RORA: variants seen among roughly 807,000 people sequenced by gnomAD.
The protein encoded by RORA is nuclear receptor ROR-alpha.
In RORA, 7 loss-of-function variants were observed where a neutral mutation model predicts 69.5. The ratio of observed to expected loss-of-function variants is 0.10; its 90% CI spans 0.06 to 0.19. The LOEUF (loss-of-function observed/expected upper bound fraction) is 0.19. Ranked by LOEUF, RORA falls within the 10% of genes least tolerant of loss-of-function variation. The probability of loss-of-function intolerance (pLI) is 1.00; values close to 1 mark genes in which losing one functional copy is unlikely to be tolerated. For synonymous variants in RORA, 261 were observed against 240.8 expected, an observed-to-expected ratio of 1.08 and a Z score of -0.78; for missense variants, 457 against 663.0, an observed-to-expected ratio of 0.69 and a Z score of 3.41.
rs564707718 is a variant in RORA, at chr15:60,629,346, C to A, written c.196+49311G>T. Among the ~76,000 whole-genome samples, 20 of 151,978 alleles carry A rather than the reference C, an allele frequency of 1.3e-4. No individual in the cohort carries two copies. In the East Asian group the frequency reaches 3.7e-3, roughly 28 times the overall value. ...GGATTATAGGCATGCACCACCACGC[C>A]CAGCTAATTTTTGCATTTTTAGTAG... On this transcript the variant is annotated intron_variant, in intron 2 of 10. Coordinates refer to ENST00000335670, the MANE Select transcript of RORA (RefSeq NM_134261.3).
intron 2 of RORA, among the ~76,000 whole-genome samples, chr15:60,557,436 G>A (rs1388382462): frequency 6.6e-6 from 1 of 152,228 alleles, no homozygotes; most frequent in Admixed American, 6.5e-5. Context: ...AAAAAGGCCA[G>A]GGGAGTGAAC....
chr15:61,040,113 G>GATAGATATAT (rs1896672475), intron 1 of RORA, among the ~76,000 whole-genome samples: 1 of 46,302 alleles, frequency 2.2e-5, no homozygotes, highest in Non-Finnish European at 4.1e-5. Context: ...CACAAGCTTT[G>GATAGATATAT]ATATATATAT....
Position 60,553,512 on chromosome 15 carries a change from A to T in RORA, c.197-21661T>A, listed in dbSNP as rs1204404236. Among the ~76,000 whole-genome samples the T allele has an allele frequency of 2.0e-5, 3 of 152,216 alleles. No individual in the cohort carries two copies. In the East Asian group the frequency reaches 5.8e-4, roughly 29 times the overall value. On this transcript the variant is annotated intron_variant, in intron 2 of 10. Transcript: ENST00000335670. ...GAATGGGCTAAGAGTCAGATGGTCT[A>T]AGTTCTAATTTTAGCTCTGCAACTA...
At chr15:60,510,838 T>A (rs2065672264) in intron 5 of RORA, among the ~76,000 whole-genome samples, 1 of 152,066 alleles carries the variant, frequency 6.6e-6, no homozygotes, top group Non-Finnish European at 1.5e-5. Context: ...GGCAAAAAAA[T>A]ATGTCTGTGG....
intron 1 of RORA, among the ~76,000 whole-genome samples, chr15:60,809,322 GCA>G (rs1567198456): frequency 6.6e-6 from 1 of 152,156 alleles, no homozygotes; most frequent in Non-Finnish European, 1.5e-5. Flanking sequence ...ACAGCAATGT[GCA>G]CAGTTAATCC....
rs1044875219 is a variant in RORA, at chr15:60,534,802, G to T, written c.197-2951C>A. Among the ~76,000 whole-genome samples, 1 of 152,074 alleles carries T rather than the reference G, an allele frequency of 6.6e-6. No homozygotes were observed. The highest frequency in any genetic ancestry group is 2.1e-4 in the South Asian group (1 of 4,826). On this transcript the variant is annotated intron_variant, in intron 2 of 10. Transcript: ENST00000335670. The surrounding 1 kb of genome is among the most constrained non-coding windows in gnomAD (Gnocchi z 5.0). ...ACACGTGTTGATATTCCCAGAAAGC[G>T]AGCATTTGCAGATTGGAGCAGGGCA... is the stretch of plus-strand genomic sequence containing the variant.
intron 2 of RORA, among the ~76,000 whole-genome samples, chr15:60,543,678 C>T (rs537708671): frequency 1.1e-3 from 170 of 152,114 alleles, no homozygotes; most frequent in Non-Finnish European, 1.9e-3. Context: ...GATGGGGTTT[C>T]ACCATGTTGC....
At position 61,188,842 on chromosome 15, in the gene RORA, C is replaced by T. The variant is rs150165345; in HGVS notation, c.166+40211G>A. On this transcript the variant is annotated intron_variant, in intron 1 of 10. Coordinates refer to ENST00000335670, the MANE Select transcript of RORA (RefSeq NM_134261.3). ...AGATTCCCTCAAGGAGCTCAACACACTTTTAATGAAGTAGAACATCATCTC... is the reference window on the plus strand; with the variant it reads ...AGATTCCCTCAAGGAGCTCAACACATTTTTAATGAAGTAGAACATCATCTC... Among the ~76,000 whole-genome samples, 8 of 152,302 alleles carry T rather than the reference C, an allele frequency of 5.3e-5. No homozygotes were observed. The East Asian group carries it at 1.5e-3, about 29-fold the overall frequency.
chr15:60,616,508 T>C (rs1454790736), intron 2 of RORA, among the ~76,000 whole-genome samples: 1 of 152,168 alleles, frequency 6.6e-6, no homozygotes, highest in East Asian at 1.9e-4. Context: ...AAATATTCCT[T>C]GAGTCCTTGT....
At chr15:60,729,124 T>C (rs1193843957) in intron 1 of RORA, among the ~76,000 whole-genome samples, 1 of 152,148 alleles carries the variant, frequency 6.6e-6, no homozygotes, top group Non-Finnish European at 1.5e-5. Flanking sequence ...TCCCCGTTTT[T>C]GGTGTCCCTT....
chr15:60,902,027 A>C (rs1229092674), intron 1 of RORA, among the ~76,000 whole-genome samples: 2 of 152,218 alleles, frequency 1.3e-5, no homozygotes, highest in East Asian at 3.8e-4. Flanking sequence ...CCCGGAGGCT[A>C]ATTAACCATA....
intron 1 of RORA, among the ~76,000 whole-genome samples, chr15:61,212,983 T>C (rs1178785473): frequency 6.6e-6 from 1 of 152,166 alleles, no homozygotes; most frequent in African/African-American, 2.4e-5. Context: ...TGCTATTTTT[T>C]TGTTTTCTTG....
chr15:60,717,101 C>G (rs2140817673), intron 1 of RORA, among the ~76,000 whole-genome samples: 1 of 152,232 alleles, frequency 6.6e-6, no homozygotes, highest in Non-Finnish European at 1.5e-5. Flanking sequence ...AGCCTTCAAC[C>G]TGTGGGATCT....
rs555226124 is a variant in RORA, at chr15:60,872,107, G to A, written c.167-193421C>T. On this transcript the variant is annotated intron_variant, in intron 1 of 10. Transcript: ENST00000335670. ...AGGTAATCTCTATCATAAAGCAAGT[G>A]TGCCATAGCAAAATAAGCACTAGTC... Among the ~76,000 whole-genome samples the A allele has an allele frequency of 4.4e-4, 67 of 151,038 alleles. No individual in the cohort carries two copies. In the South Asian group the frequency reaches 0.014, roughly 32 times the overall value.
At chr15:60,972,603 TC>T (rs1270507035) in intron 1 of RORA, among the ~76,000 whole-genome samples, 1 of 152,188 alleles carries the variant, frequency 6.6e-6, no homozygotes, top group Non-Finnish European at 1.5e-5. Flanking sequence ...GTCCAAAATT[TC>T]TCTAGTCTTT....
Position 60,561,056 on chromosome 15 carries a change from G to GT in RORA, c.197-29206dup, listed in dbSNP as rs59042428. Among the ~76,000 whole-genome samples the GT allele has an allele frequency of 7.4e-3, 889 of 119,618 alleles. 1 individual carries two copies. The highest frequency in any genetic ancestry group is 8.5e-3 in the Non-Finnish European group (485 of 56,928). 78.5% of individuals were successfully genotyped at this position (119,618 alleles called of 152,430 possible). ...TTATACATGGGAAGTTTTAACTTGT[G>GT]TTTTTTTTTTTTTTGTTTTGTTTTT... is the stretch of plus-strand genomic sequence containing the variant. On this transcript the variant is annotated intron_variant, in intron 2 of 10. Coordinates refer to ENST00000335670, the MANE Select transcript of RORA (RefSeq NM_134261.3).
intron 1 of RORA, among the ~76,000 whole-genome samples, chr15:60,907,854 C>T (rs1027187211): frequency 6.6e-6 from 1 of 152,198 alleles, no homozygotes. Context: ...GTCTGTAACT[C>T]CAGTTAGAAC....
chr15:60,774,652 T>A (rs1186786676), intron 1 of RORA, among the ~76,000 whole-genome samples: 1 of 152,186 alleles, frequency 6.6e-6, no homozygotes, highest in South Asian at 2.1e-4. Context: ...ATACCCACAG[T>A]CTTTATCTTC....
chr15:60,841,718 T>G (rs1445715942), intron 1 of RORA, among the ~76,000 whole-genome samples: 2 of 152,232 alleles, frequency 1.3e-5, no homozygotes, highest in Admixed American at 1.3e-4. Flanking sequence ...CAGTCCATTT[T>G]CTGCCCTCGT....
Sources: gnomAD v4.1 joint callset for allele counts (sites outside exome capture counted in the v4.1 genomes callset) on GRCh38, gnomAD v4.1.1 for gene constraint, Gnocchi (gnomAD v3.1) non-coding constraint, MANE v1.5 for transcripts, NCBI Gene and HGNC (gene_info 2026-07-23, HGNC 2026-07-21) for gene names.